PCSK6: variants seen among roughly 807,000 people sequenced by gnomAD.
PCSK6 encodes the protein paired basic amino acid cleaving enzyme 4.
PCSK6 carries 85 observed loss-of-function variants against 123.3 expected under a neutral mutation model. That is an observed-to-expected ratio of 0.69 (90% CI 0.58 to 0.83). The LOEUF (loss-of-function observed/expected upper bound fraction) is 0.83, where lower values mean the gene tolerates loss of function less well. Among genes scored for constraint, PCSK6 ranks in the 40% least tolerant of loss-of-function variants. The pLI is 0.00. For synonymous variants in PCSK6, 508 were observed against 516.0 expected (o/e 0.98, Z 0.21); for missense variants, 1,191 against 1,282.3 (o/e 0.93, Z 1.09).
Position 101,352,171 on chromosome 15 carries a change from G to T in PCSK6, c.1858+14025C>A, listed in dbSNP as rs555372394. Among the ~76,000 whole-genome samples the T allele has an allele frequency of 6.3e-3, 771 of 121,582 alleles. 8 individuals are homozygous for T. The highest frequency in any genetic ancestry group is 0.024 in the African/African-American group (733 of 30,098). 79.8% of individuals were successfully genotyped at this position (121,582 alleles called of 152,430 possible). On this transcript the variant is annotated intron_variant, in intron 13 of 21. Coordinates refer to ENST00000611716, the MANE Select transcript of PCSK6 (RefSeq NM_002570.5). ...TTTTTTTTTTTTTTTTTTTACAGAC[G>T]GGGTCTCACTCTGTCGCCCAGGCTG...
At chr15:101,368,523 C>T (rs1033586349) in intron 12 of PCSK6, among the ~76,000 whole-genome samples, 2 of 152,272 alleles carry the variant, frequency 1.3e-5, no homozygotes, top group Admixed American at 1.3e-4. Context: ...AGGGTGTGGG[C>T]CAACTCTCCA....
chr15:101,443,836 AGG>A (rs2141154130), intron 1 of PCSK6, among the ~76,000 whole-genome samples, 176 bp from the exon 2 acceptor site: 1 of 152,372 alleles, frequency 6.6e-6, no homozygotes, highest in South Asian at 2.1e-4. Flanking sequence ...ATAAACGTGA[AGG>A]TGGATTCAGA....
chr15:101,339,202 T>C (rs749425201), intron 13 of PCSK6, among the ~76,000 whole-genome samples: 2 of 152,228 alleles, frequency 1.3e-5, no homozygotes, highest in Non-Finnish European at 2.9e-5. Context: ...CTAATACTTT[T>C]GGATTCCTGG....
intron 6 of PCSK6, among the ~76,000 whole-genome samples, chr15:101,412,078 T>C (rs1332266796): frequency 1.3e-5 from 2 of 152,092 alleles, no homozygotes; most frequent in Non-Finnish European, 1.5e-5. Context: ...TCAGCACTGA[T>C]AAGGAGACTT....
intron 13 of PCSK6, among the ~76,000 whole-genome samples, chr15:101,338,083 A>C (rs374622042): frequency 9.2e-5 from 14 of 152,316 alleles, no homozygotes; most frequent in African/African-American, 3.4e-4. Flanking sequence ...GCAATGCCAC[A>C]TGATCCCGCC....
intron 1 of PCSK6, among the ~76,000 whole-genome samples, chr15:101,487,388 T>C (rs1459756063): frequency 6.6e-6 from 1 of 152,104 alleles, no homozygotes; most frequent in African/African-American, 2.4e-5. Context: ...GGGTACGGAG[T>C]GTGCATCGGG....
chr15:101,474,415 C>T (rs1037301895), intron 1 of PCSK6, among the ~76,000 whole-genome samples: 6 of 152,158 alleles, frequency 3.9e-5, no homozygotes, highest in African/African-American at 7.2e-5. Context: ...GGCGCCACGG[C>T]GGTGATCACT....
chr15:101,337,648 G>A (rs1037086935), intron 13 of PCSK6, among the ~76,000 whole-genome samples: 2 of 152,014 alleles, frequency 1.3e-5, no homozygotes, highest in East Asian at 3.9e-4. Flanking sequence ...CATGTTAATC[G>A]CATTCGACGT....
chr15:101,470,321 T>C (rs2057574368), intron 1 of PCSK6, among the ~76,000 whole-genome samples: 1 of 152,262 alleles, frequency 6.6e-6, no homozygotes, highest in Non-Finnish European at 1.5e-5. Context: ...AATATCTGTA[T>C]GTGTTTTCCC....
chr15:101,464,325 C>T (rs928761522), intron 1 of PCSK6, among the ~76,000 whole-genome samples: 4 of 152,100 alleles, frequency 2.6e-5, no homozygotes, highest in African/African-American at 4.8e-5. Flanking sequence ...CCAAGCGGGA[C>T]GAAATGCAAG....
intron 1 of PCSK6, among the ~76,000 whole-genome samples, chr15:101,445,174 G>A (rs913842963): frequency 2.5e-4 from 38 of 152,332 alleles, no homozygotes; most frequent in African/African-American, 8.7e-4. Context: ...TGGGCATTCA[G>A]CAAATGCTGG....
rs551819468 is a variant in PCSK6, at chr15:101,426,017, G to A, written c.823+1875C>T. ...CAAACCCTGACTCCGTAGGCCTGGG[G>A]TGGGGATTCTGCATTTCTAACGGCT... On this transcript the variant is annotated intron_variant, in intron 6 of 21. Transcript: ENST00000611716. Among the ~76,000 whole-genome samples the A allele has an allele frequency of 2.0e-5, 3 of 152,328 alleles. No individual in the cohort carries two copies. The South Asian group carries it at 6.2e-4, about 32-fold the overall frequency.
intron 1 of PCSK6, among the ~76,000 whole-genome samples, chr15:101,469,843 A>G (rs1262374938): frequency 2.0e-5 from 3 of 152,156 alleles, no homozygotes; most frequent in East Asian, 1.9e-4. Flanking sequence ...TCTCCGTGAC[A>G]CTTTTTACTA....
chr15:101,309,853 C>T (rs1315915456), intron 20 of PCSK6, among the ~76,000 whole-genome samples: 1 of 152,176 alleles, frequency 6.6e-6, no homozygotes, highest in Non-Finnish European at 1.5e-5. Flanking sequence ...TCTTAGGGAA[C>T]TTATCGTGCA....
intron 11 of PCSK6, among the ~76,000 whole-genome samples, chr15:101,376,105 T>G (rs1419786309): frequency 1.3e-5 from 2 of 152,122 alleles, no homozygotes; most frequent in African/African-American, 4.8e-5. Context: ...TGTTTTTTGT[T>G]TTTTAGAGAC....
intron 1 of PCSK6, among the ~76,000 whole-genome samples, chr15:101,455,364 G>A (rs930555721): frequency 5.9e-5 from 9 of 152,216 alleles, no homozygotes; most frequent in Non-Finnish European, 1.2e-4. Context: ...TCCGGAAAGC[G>A]CTTCCCATCC....
chr15:101,404,625 A>G lies in PCSK6; in HGVS notation c.824-6049T>C, dbSNP rs149381707. On this transcript the variant is annotated intron_variant, in intron 6 of 21. Transcript: ENST00000611716. The stretch of plus-strand genomic sequence containing the variant: ...TGGGGTGTAATCTCGCTTCCACATG[A>G]CCTTGGGCCATGGTCTCAACCTCTC... 7.6e-3 allele frequency among the ~76,000 whole-genome samples: 1,157 copies of G among 152,248 alleles called. 11 individuals carry two copies. Among genetic ancestry groups the G allele is most frequent in the African/African-American group, 0.026 (1,100 of 41,536 alleles).
Position 101,393,428 on chromosome 15 carries a change from G to A in PCSK6, c.997-4C>T. 14 of 1,600,434 alleles carry A rather than the reference G, an allele frequency of 8.7e-6. No individual in the cohort carries two copies. The highest frequency in any genetic ancestry group is 1.2e-5 in the Non-Finnish European group (14 of 1,175,166). ...TGGAGCCCAGGCCCTGCCGGCCCTG[G>A]AGGGACAAGAGGAACAAGGCTTAGC... On this transcript the variant is annotated splice_region_variant and splice_polypyrimidine_tract_variant and intron_variant, in intron 7 of 21. Transcript: ENST00000611716.
intron 17 of PCSK6, among the ~76,000 whole-genome samples, chr15:101,323,629 A>G (rs1305892145): frequency 3.3e-5 from 5 of 150,084 alleles, no homozygotes; most frequent in Non-Finnish European, 7.4e-5. Flanking sequence ...GCTACTCGGG[A>G]GGCTGTGGTA....
Sources: gnomAD v4.1 joint callset for allele counts (sites outside exome capture counted in the v4.1 genomes callset) on GRCh38, gnomAD v4.1.1 for gene constraint, MANE v1.5 for transcripts, NCBI Gene and HGNC (gene_info 2026-07-23, HGNC 2026-07-21) for gene names.